ELF1: variants seen among roughly 807,000 people sequenced by gnomAD.
ELF1 encodes the protein ETS-related transcription factor Elf-1.
A neutral mutation model predicts 59.9 loss-of-function variants in ELF1; 24 were observed. That is an observed-to-expected ratio of 0.40 (90% CI 0.29 to 0.56). The LOEUF is 0.56. ELF1 is among the 20% of genes least tolerant of loss of function. ELF1 has a pLI of 0.44. For missense variants in ELF1, 627 were observed against 742.2 expected (o/e 0.84, Z 1.80); for synonymous variants, 248 against 266.2 (o/e 0.93, Z 0.67).
chr13:41,000,987 T>C (rs1298291603), intron 1 of ELF1, among the ~76,000 whole-genome samples: 1 of 151,810 alleles, frequency 6.6e-6, no homozygotes, highest in African/African-American at 2.4e-5. Context: ...ACTTTTTTTT[T>C]TTTTTCTGAG....
At chr13:40,974,006 G>A (rs1872748548) in intron 2 of ELF1, among the ~76,000 whole-genome samples, 1 of 152,194 alleles carries the variant, frequency 6.6e-6, no homozygotes, top group Non-Finnish European at 1.5e-5. Context: ...GTAGTTCCCA[G>A]GAGCTAGGAA....
chr13:40,960,570 C>A (rs1487712362), intron 2 of ELF1, among the ~76,000 whole-genome samples: 1 of 152,074 alleles, frequency 6.6e-6, no homozygotes, highest in Admixed American at 6.5e-5. Flanking sequence ...CCTATTTGTC[C>A]CCCCATTGCT....
intron 8 of ELF1, among the ~76,000 whole-genome samples, chr13:40,940,116 C>G (rs973552935): frequency 5.9e-5 from 9 of 152,072 alleles, no homozygotes; most frequent in African/African-American, 2.2e-4. Context: ...CTGAAGTTTG[C>G]TAATAAAAGT....
intron 1 of ELF1, among the ~76,000 whole-genome samples, chr13:41,031,336 T>G (rs958418630): frequency 4.6e-5 from 7 of 152,274 alleles, no homozygotes; most frequent in Middle Eastern, 3.4e-3. Context: ...TAACTGTAAG[T>G]GTGGACAAGT....
At chr13:40,949,586 C>T (rs1020938748) in intron 5 of ELF1, among the ~76,000 whole-genome samples, 3 of 152,126 alleles carry the variant, frequency 2.0e-5, no homozygotes, top group African/African-American at 7.2e-5. Flanking sequence ...AACTCCTGGC[C>T]TCAAACAATC....
chr13:41,049,090 T>G (rs1876981518), intron 1 of ELF1, among the ~76,000 whole-genome samples: 1 of 152,188 alleles, frequency 6.6e-6, no homozygotes, highest in Non-Finnish European at 1.5e-5. Context: ...TGGACTACTC[T>G]TTCTCAGTTT....
chr13:41,031,576 T>C (rs1350340814), intron 1 of ELF1, among the ~76,000 whole-genome samples: 1 of 151,958 alleles, frequency 6.6e-6, no homozygotes, highest in African/African-American at 2.4e-5. Flanking sequence ...TCCCAGCACT[T>C]TGGGAGGCTG....
chr13:41,019,675 G>A (rs1330960232), upstream of ELF1, among the ~76,000 whole-genome samples: 2 of 150,490 alleles, frequency 1.3e-5, no homozygotes, highest in African/African-American at 4.9e-5. Flanking sequence ...GTATGAAAGG[G>A]GATGGAAGGG....
At chr13:41,044,412 T>C (rs553225016) in intron 1 of ELF1, among the ~76,000 whole-genome samples, 1 of 151,666 alleles carries the variant, frequency 6.6e-6, no homozygotes, top group Non-Finnish European at 1.5e-5. Context: ...TTGCCCATTA[T>C]GATATTGGCT....
chr13:41,057,616 C>T (rs1877337028), intron 1 of ELF1, among the ~76,000 whole-genome samples: 1 of 152,098 alleles, frequency 6.6e-6, no homozygotes. Context: ...TGTTGATCCA[C>T]CTGCCTCAGC....
chr13:41,018,330 CTG>C (rs1472939866), intron 1 of ELF1, among the ~76,000 whole-genome samples: 1 of 152,142 alleles, frequency 6.6e-6, no homozygotes, highest in Non-Finnish European at 1.5e-5. Flanking sequence ...CAGGAAAAGA[CTG>C]AGCAATCTTT....
intron 2 of ELF1, among the ~76,000 whole-genome samples, chr13:40,970,403 A>T (rs1266864417): frequency 1.3e-5 from 2 of 152,240 alleles, no homozygotes; most frequent in Non-Finnish European, 2.9e-5. Context: ...TAAATTCAAG[A>T]TAACATTATA....
intron 1 of ELF1, among the ~76,000 whole-genome samples, chr13:41,038,371 A>T (rs1423815370): frequency 6.6e-6 from 1 of 151,824 alleles, no homozygotes; most frequent in East Asian, 1.9e-4. Context: ...ACAAAAATTA[A>T]CCATGCATGG....
At chr13:40,991,918 T>C (rs1264879687) in intron 1 of ELF1, among the ~76,000 whole-genome samples, 2 of 152,228 alleles carry the variant, frequency 1.3e-5, no homozygotes, top group Non-Finnish European at 2.9e-5. Context: ...GATCACATTA[T>C]TGAGCAAAGC....
intron 1 of ELF1, among the ~76,000 whole-genome samples, chr13:40,986,786 T>A (rs12586031): frequency 0.18 from 27,985 of 151,876 alleles, 2,752 homozygotes; most frequent in East Asian, 0.26. Flanking sequence ...CTTGTTTAAT[T>A]TATTATAGAA....
At chr13:41,058,198 C>T (rs1208351434) in intron 1 of ELF1, among the ~76,000 whole-genome samples, 6 of 152,156 alleles carry the variant, frequency 3.9e-5, no homozygotes, top group Admixed American at 3.9e-4. Flanking sequence ...GATAAAAGAA[C>T]CTGTTACCTA....
chr13:41,005,335 AC>A (rs1874678287), intron 1 of ELF1, among the ~76,000 whole-genome samples: 1 of 151,492 alleles, frequency 6.6e-6, no homozygotes, highest in Non-Finnish European at 1.5e-5. Context: ...TGAGTAAAAA[AC>A]CAAGTGTCTA....
At chr13:40,999,395 T>C (rs1874288915) in intron 1 of ELF1, among the ~76,000 whole-genome samples, 1 of 152,146 alleles carries the variant, frequency 6.6e-6, no homozygotes, top group Non-Finnish European at 1.5e-5. Flanking sequence ...TGTGCGTGTA[T>C]GCGTACGTGA....
intron 2 of ELF1, 50 bp downstream of exon 2, chr13:40,981,933 G>C: frequency 6.4e-7 from 1 of 1,573,266 alleles, no homozygotes; most frequent in Non-Finnish European, 8.6e-7. Context: ...GATATGAATA[G>C]AAAAATCATA....
Sources: gnomAD v4.1 joint callset for allele counts (sites outside exome capture counted in the v4.1 genomes callset) on GRCh38, gnomAD v4.1.1 for gene constraint, MANE v1.5 for transcripts, NCBI Gene and HGNC (gene_info 2026-07-23, HGNC 2026-07-21) for gene names.